ADGRL3: variants seen among roughly 807,000 people sequenced by gnomAD.
ADGRL3 encodes calcium-independent alpha-latrotoxin receptor 3.
In ADGRL3, 62 loss-of-function variants were observed where a neutral mutation model predicts 153.5. That is an observed-to-expected ratio of 0.40 (90% CI 0.33 to 0.50). The LOEUF (loss-of-function observed/expected upper bound fraction) is 0.50. Among genes scored for constraint, ADGRL3 ranks in the 20% least tolerant of loss-of-function variants. The probability of loss-of-function intolerance (pLI) is 0.47; values close to 1 mark genes in which losing one functional copy is unlikely to be tolerated. For missense variants in ADGRL3, 1,641 were observed against 1,859.4 expected (o/e 0.88, Z 2.16); for synonymous variants, 710 against 672.5 (o/e 1.06, Z -0.86).
At chr4:61,206,421 T>A (rs571711905) in intron 1 of ADGRL3, among the ~76,000 whole-genome samples, 2 of 152,334 alleles carry the variant, frequency 1.3e-5, no homozygotes, top group South Asian at 4.1e-4. Flanking sequence ...GTTTTCAAAG[T>A]GTCCTCTGGG....
intron 9 of ADGRL3, among the ~76,000 whole-genome samples, chr4:61,888,617 C>G (rs922939236): frequency 2.6e-5 from 4 of 152,116 alleles, no homozygotes; most frequent in African/African-American, 9.7e-5. Flanking sequence ...TATGGGGGAT[C>G]AGGGACAGCC....
chr4:61,873,573 C>T (rs917378419), intron 9 of ADGRL3, among the ~76,000 whole-genome samples: 11 of 152,062 alleles, frequency 7.2e-5, no homozygotes, highest in Admixed American at 3.3e-4. Context: ...ATCCAGTTTC[C>T]GTTTATTTAC....
intron 8 of ADGRL3, 24 bp downstream of exon 8, chr4:61,733,578 T>G: frequency 3.4e-5 from 50 of 1,472,492 alleles, no homozygotes; most frequent in Non-Finnish European, 4.5e-5. Flanking sequence ...TTTGTGGTAC[T>G]CTTTGGGGAA....
intron 1 of ADGRL3, among the ~76,000 whole-genome samples, chr4:61,271,336 G>A (rs1225997209): frequency 6.6e-6 from 1 of 152,022 alleles, no homozygotes; most frequent in East Asian, 1.9e-4. Flanking sequence ...ATAGCATTAA[G>A]AACTATAACT....
intron 1 of ADGRL3, among the ~76,000 whole-genome samples, chr4:61,368,783 G>A (rs896367890): frequency 6.6e-6 from 1 of 152,158 alleles, no homozygotes; most frequent in African/African-American, 2.4e-5. Flanking sequence ...TTGGTAGCTT[G>A]AGGGGGATGG....
chr4:61,361,285 T>C (rs535664212), intron 1 of ADGRL3, among the ~76,000 whole-genome samples: 1 of 152,342 alleles, frequency 6.6e-6, no homozygotes, highest in Non-Finnish European at 1.5e-5. Context: ...AAAACAGTGT[T>C]AATATGCATT....
intron 2 of ADGRL3, among the ~76,000 whole-genome samples, chr4:61,388,290 C>T (rs975103342): frequency 2.6e-5 from 4 of 152,188 alleles, no homozygotes; most frequent in African/African-American, 4.8e-5. Context: ...TAGAACAATG[C>T]CTATCTTAAG....
At chr4:61,951,078 T>A (rs1458141621) in intron 17 of ADGRL3, among the ~76,000 whole-genome samples, 1 of 152,206 alleles carries the variant, frequency 6.6e-6, no homozygotes, top group Non-Finnish European at 1.5e-5. Context: ...ACTTATTTAT[T>A]TATTTCCATC....
Position 61,979,645 on chromosome 4 carries a change from G to A in ADGRL3, c.2888G>A (p.Cys963Tyr). ...CTGTCCCTTGTTTGTCTCCTGATTT[G>A]CATCTTCACATTTTGCTTTTTCCGG... ...ILLSLVCLLI[C>Y]IFTFCFFRGL... Residue 963 changes from cysteine (C) to tyrosine (Y), a missense_variant, in exon 18 of 27, where the codon TGC (cysteine) becomes TAC (tyrosine). Cys to Tyr is a radical substitution (Grantham distance 194, BLOSUM62 -2). Coordinates refer to ENST00000683033, the MANE Select transcript of ADGRL3 (RefSeq NM_001387552.1). 6.2e-7 allele frequency: 1 copy of A among 1,613,810 alleles called. No individual in the cohort carries two copies. Among genetic ancestry groups the A allele is most frequent in the Non-Finnish European group, 8.5e-7 (1 of 1,179,846 alleles).
intron 4 of ADGRL3, among the ~76,000 whole-genome samples, chr4:61,541,706 G>A (rs190589038): frequency 1.4e-4 from 22 of 152,168 alleles, no homozygotes; most frequent in African/African-American, 4.8e-4. Flanking sequence ...AAGATAATTC[G>A]TTGATTATCC....
At chr4:61,994,453 C>T (rs969179095) in intron 19 of ADGRL3, among the ~76,000 whole-genome samples, 28 of 151,706 alleles carry the variant, frequency 1.8e-4, no homozygotes, top group Non-Finnish European at 3.8e-4. Flanking sequence ...TGGCTAGCCT[C>T]TTCATTGTTT....
chr4:61,725,362 C>T (rs916099214), intron 6 of ADGRL3, among the ~76,000 whole-genome samples: 4 of 152,012 alleles, frequency 2.6e-5, no homozygotes, highest in Non-Finnish European at 4.4e-5. Context: ...CCTGTAATCC[C>T]AGCACTTTGG....
intron 11 of ADGRL3, among the ~76,000 whole-genome samples, chr4:61,898,787 T>C (rs2098646658): frequency 6.6e-6 from 1 of 151,924 alleles, no homozygotes; most frequent in Non-Finnish European, 1.5e-5. Flanking sequence ...TGGCGAATTT[T>C]TTGTATTTTA....
At chr4:61,917,848 G>C (rs2098751788) in intron 13 of ADGRL3, among the ~76,000 whole-genome samples, 1 of 152,170 alleles carries the variant, frequency 6.6e-6, no homozygotes, top group Admixed American at 6.5e-5. Flanking sequence ...TGATGAAGGA[G>C]GCTAGTGCAA....
chr4:61,666,727 T>A (rs1315693905), intron 5 of ADGRL3, among the ~76,000 whole-genome samples: 1 of 152,046 alleles, frequency 6.6e-6, no homozygotes, highest in Admixed American at 6.6e-5. Flanking sequence ...TTATATTAGG[T>A]GAAAATAAGC....
chr4:61,922,274 T>C (rs2098773449), intron 13 of ADGRL3, among the ~76,000 whole-genome samples: 1 of 152,218 alleles, frequency 6.6e-6, no homozygotes, highest in Non-Finnish European at 1.5e-5. Flanking sequence ...TATACTTCTG[T>C]AATTTAAAAC....
chr4:61,303,847 G>A (rs575155748), intron 1 of ADGRL3, among the ~76,000 whole-genome samples: 1 of 151,982 alleles, frequency 6.6e-6, no homozygotes, highest in Non-Finnish European at 1.5e-5. Context: ...ATTTTGAATG[G>A]TTACACAAAA....
intron 13 of ADGRL3, among the ~76,000 whole-genome samples, chr4:61,920,388 T>G (rs534313145): frequency 9.7e-4 from 148 of 152,304 alleles, no homozygotes; most frequent in African/African-American, 3.4e-3. Flanking sequence ...CAATGGAAAT[T>G]TTAAAGTGCA....
At chr4:61,790,169 C>T (rs2097324961) in intron 8 of ADGRL3, among the ~76,000 whole-genome samples, 2 of 152,132 alleles carry the variant, frequency 1.3e-5, no homozygotes, top group African/African-American at 4.8e-5. Context: ...TTACCTGCCT[C>T]ATGTATTTCA....
Sources: allele counts gnomAD v4.1 joint callset (sites outside exome capture counted in the v4.1 genomes callset), GRCh38; gene constraint gnomAD v4.1.1; transcripts MANE v1.5; gene names NCBI Gene and HGNC (gene_info 2026-07-23, HGNC 2026-07-21).